PDCD6: variants seen among roughly 807,000 people sequenced by gnomAD.
PDCD6 encodes programmed cell death protein 6.
In PDCD6, 12 loss-of-function variants were observed where a neutral mutation model predicts 28.3. The ratio of observed to expected loss-of-function variants is 0.42; its 90% CI spans 0.27 to 0.69. The LOEUF is 0.69. Ranked by LOEUF, PDCD6 falls within the 30% of genes least tolerant of loss-of-function variation. PDCD6 has a pLI of 0.22. For synonymous variants in PDCD6, 92 were observed against 108.0 expected, an observed-to-expected ratio of 0.85 and a Z score of 0.92; for missense variants, 226 against 269.9, an observed-to-expected ratio of 0.84 and a Z score of 1.14.
intron 2 of PDCD6, chr5:290,425 C>CT: frequency 1.5e-6 from 1 of 670,768 alleles, no homozygotes. Flanking sequence ...CTCGCACACA[C>CT]TCCCGCATGC....
chr5:284,746 A>G (rs1738825102), intron 2 of PDCD6, among the ~76,000 whole-genome samples: 1 of 144,836 alleles, frequency 6.9e-6, no homozygotes, highest in East Asian at 2.3e-4. Context: ...GCAGCTGGAG[A>G]CACCGCGGGG....
At chr5:278,437 CGGT>C (rs1370396612) in intron 2 of PDCD6, among the ~76,000 whole-genome samples, 2 of 151,224 alleles carry the variant, frequency 1.3e-5, no homozygotes, top group Non-Finnish European at 2.9e-5. Context: ...AGGCTGGACT[CGGT>C]GGCTCATGCT....
At position 307,257 on chromosome 5, in the gene PDCD6, GGCGTGTGTGT is replaced by G; in HGVS notation, c.367+500_367+509del. On this transcript the variant is annotated intron_variant, in intron 4 of 5. Transcript: ENST00000264933. This position sits in a 1 kb window ranked among gnomAD's most constrained non-coding sequence, Gnocchi z 6.1. ...GTGTGTGCTCGGCGTGTGTGTGCTC[GGCGTGTGTGT>G]GCACACGTGTGCCGTGCGCCTCAGA... Among the ~76,000 whole-genome samples the G allele has an allele frequency of 1.1e-5, 1 of 92,626 alleles. No homozygotes were observed. Among genetic ancestry groups the G allele is most frequent in the Non-Finnish European group, 2.0e-5 (1 of 50,894 alleles). The allele number at this position is 92,626 out of a possible 152,430, so 60.8% of individuals were successfully genotyped here.
At chr5:303,076 G>A (rs1315594181) in intron 2 of PDCD6, among the ~76,000 whole-genome samples, 2 of 152,302 alleles carry the variant, frequency 1.3e-5, no homozygotes, top group South Asian at 2.1e-4. Flanking sequence ...AAAGGAAGGA[G>A]CTGGAGGGAG....
chr5:304,070 C>G, intron 2 of PDCD6, 107 bp from the exon 3 acceptor site: 1 of 1,507,784 alleles, frequency 6.6e-7, no homozygotes, highest in Non-Finnish European at 9.0e-7. Flanking sequence ...AAACCACTAC[C>G]TTAGAGCCCC....
intron 2 of PDCD6, among the ~76,000 whole-genome samples, chr5:293,924 C>T (rs62345247): frequency 0.011 from 436 of 38,028 alleles, 2 homozygotes; most frequent in African/African-American, 0.039. Flanking sequence ...CTGTCAGAGA[C>T]GGAGAAAGGT....
At chr5:290,202 C>T (rs1001980207) in intron 2 of PDCD6, 224 of 1,572,264 alleles carry the variant, frequency 1.4e-4, no homozygotes, top group Non-Finnish European at 1.9e-4. Context: ...ATTGGGACCA[C>T]TGAATCTGTT....
intron 2 of PDCD6, among the ~76,000 whole-genome samples, chr5:301,537 A>G (rs556150570): frequency 2.0e-5 from 3 of 152,406 alleles, no homozygotes; most frequent in Admixed American, 6.5e-5. Context: ...GCCTACAGAA[A>G]GGTAATCCTG....
intron 2 of PDCD6, among the ~76,000 whole-genome samples, chr5:283,364 A>G (rs77706518): frequency 0.024 from 2,618 of 109,960 alleles, no homozygotes; most frequent in African/African-American, 0.097. Flanking sequence ...GAAAACCCGG[A>G]GAGGAGCTGA....
chr5:292,856 G>A lies in PDCD6; in HGVS notation c.164-11321G>A, dbSNP rs374163286. Among the ~76,000 whole-genome samples the A allele has an allele frequency of 1.2e-4, 18 of 152,200 alleles. No individual in the cohort carries two copies. In the East Asian group the frequency reaches 3.3e-3, roughly 28 times the overall value. The stretch of plus-strand genomic sequence containing the variant: ...ATGCATTTCTGCCATGGTTGGCTCA[G>A]CTGAACGCACCTCTTGAACAAGACT... On this transcript the variant is annotated intron_variant, in intron 2 of 5. Transcript: ENST00000264933.
chr5:306,502 G>T, intron 3 of PDCD6, 100 bp from the exon 4 acceptor site: 1 of 1,290,238 alleles, frequency 7.8e-7, no homozygotes. Context: ...GGTCAGCAGT[G>T]GGGCCCCGCC....
In PDCD6 at chr5:311,385, GGCT is replaced by G; in HGVS notation, c.463_465del (p.Cys155del). 1 of 1,613,308 alleles carries G rather than the reference GGCT, an allele frequency of 6.2e-7. No homozygotes were observed. The highest frequency in any genetic ancestry group is 8.5e-7 in the Non-Finnish European group (1 of 1,179,320). ...GATTGCCTTCGACGACTTCATCCAG[GGCT>G]GCATCGTCCTGCAGGTGACGGAATG... is the stretch of plus-strand genomic sequence containing the variant. On this transcript the variant is annotated inframe_deletion, in exon 5 of 6. Transcript: ENST00000264933.
intron 1 of PDCD6, 54 bp downstream of exon 1, chr5:271,875 C>T (rs1242312964): frequency 9.5e-6 from 10 of 1,050,988 alleles, no homozygotes; most frequent in South Asian, 4.0e-5. Flanking sequence ...CGGCCCCGAC[C>T]CCTGTCCCGA....
At chr5:280,211 A>C (rs1290864894) in intron 2 of PDCD6, among the ~76,000 whole-genome samples, 1 of 151,948 alleles carries the variant, frequency 6.6e-6, no homozygotes. Flanking sequence ...CGGGAAAGGC[A>C]CCCTAGGCAG....
intron 3 of PDCD6, 74 bp from the exon 4 acceptor site, chr5:306,528 A>T (rs963699477): frequency 6.5e-7 from 1 of 1,534,278 alleles, no homozygotes; most frequent in East Asian, 2.3e-5. Flanking sequence ...CTGAGGGCTG[A>T]GGTCTGGTGG....
chr5:298,644 C>CAGCTGCTCCCACT lies in PDCD6; in HGVS notation c.164-5533_164-5532insAGCTGCTCCCACT, dbSNP rs1319239979. 4.1e-3 allele frequency among the ~76,000 whole-genome samples: 326 copies of CAGCTGCTCCCACT among 79,898 alleles called. 18 individuals carry two copies. The highest frequency in any genetic ancestry group is 0.012 in the African/African-American group (306 of 25,690). The allele number at this position is 79,898 out of a possible 152,430, so 52.4% of individuals were successfully genotyped here. On this transcript the variant is annotated intron_variant, in intron 2 of 5. Transcript: ENST00000264933. ...CCCTGCCCCCACCCAGCTGCTCCCC[C>CAGCTGCTCCCACT]CAGCTGCTCCCACTCAGCTGCTCCC...
intron 2 of PDCD6, among the ~76,000 whole-genome samples, chr5:301,307 C>T (rs1042835397): frequency 6.6e-6 from 1 of 152,186 alleles, no homozygotes; most frequent in African/African-American, 2.4e-5. Context: ...TGTGTGCAGA[C>T]ACTAGGTTGC....
intron 2 of PDCD6, among the ~76,000 whole-genome samples, chr5:286,654 G>C (rs949212580): frequency 1.4e-4 from 21 of 150,022 alleles, no homozygotes; most frequent in Admixed American, 1.4e-3. Context: ...CTTGAGACTC[G>C]GGGAGGTACT....
intron 2 of PDCD6, among the ~76,000 whole-genome samples, chr5:303,534 G>C (rs1373342420): frequency 6.6e-6 from 1 of 151,892 alleles, no homozygotes; most frequent in Non-Finnish European, 1.5e-5. Flanking sequence ...TGAGTCTGAG[G>C]ATAGTACAGC....
Sources: allele counts gnomAD v4.1 joint callset (sites outside exome capture counted in the v4.1 genomes callset), GRCh38; gene constraint gnomAD v4.1.1; non-coding constraint Gnocchi (gnomAD v3.1); transcripts MANE v1.5; gene names NCBI Gene and HGNC (gene_info 2026-07-23, HGNC 2026-07-21).